Variants in NUP85 observed in about 807,000 individuals in gnomAD.
NUP85 encodes the protein nucleoporin 85, also known as nuclear pore complex protein Nup85.
In NUP85, 23 loss-of-function variants were observed where a neutral mutation model predicts 92.8. That is an observed-to-expected ratio of 0.25 (90% CI 0.18 to 0.35). The LOEUF is 0.35. Among genes scored for constraint, NUP85 ranks in the 10% least tolerant of loss-of-function variants. The pLI is 1.00. For missense variants in NUP85, 759 were observed against 822.8 expected (o/e 0.92, Z 0.95); for synonymous variants, 314 against 306.9 (o/e 1.02, Z -0.24).
intron 6 of NUP85, 129 bp downstream of exon 6, chr17:75,215,952 G>A (rs773067043): frequency 1.1e-4 from 89 of 837,010 alleles, no homozygotes; most frequent in Non-Finnish European, 1.4e-4. Flanking sequence ...TTATAACCAC[G>A]GGAAGTCGTT....
intron 7 of NUP85, among the ~76,000 whole-genome samples, chr17:75,221,652 C>T (rs893375196): frequency 6.6e-6 from 1 of 152,148 alleles, no homozygotes; most frequent in African/African-American, 2.4e-5. Flanking sequence ...AGTTAAAGGA[C>T]ATAAATGTGG....
chr17:75,225,108 C>T lies in NUP85; in HGVS notation c.603C>T (p.Thr201=). The change falls in exon 8 of 19, where the codon ACC becomes ACT. Residue 201 remains threonine, a synonymous_variant. Transcript: ENST00000245544. ...GGGCCCGGATCTCCTCCCAGGTGAC[C>T]ATCTTGGTGCTGCAGGGCCGGCTGG... The part of the protein sequence containing the change: ...SKHDSFWNLV[T]ILVLQGRLDE... The T allele has an allele frequency of 6.4e-7, 1 of 1,553,360 alleles. No individual in the cohort carries two copies. The highest frequency in any genetic ancestry group is 8.7e-7 in the Non-Finnish European group (1 of 1,147,344).
intron 11 of NUP85, among the ~76,000 whole-genome samples, chr17:75,230,474 C>G (rs1466280139): frequency 6.6e-6 from 1 of 151,880 alleles, no homozygotes; most frequent in Non-Finnish European, 1.5e-5. Flanking sequence ...ATTCTCCTGC[C>G]TCAGCCTCCA....
In NUP85 at chr17:75,230,936, A is replaced by AT. The variant is rs35461721; in HGVS notation, c.1095-391dup. Among the ~76,000 whole-genome samples, 44 of 143,638 alleles carry AT rather than the reference A, an allele frequency of 3.1e-4. 1 individual carries two copies. The highest frequency in any genetic ancestry group is 9.0e-4 in the Admixed American group (13 of 14,394). 94.2% of individuals were successfully genotyped at this position (143,638 alleles called of 152,430 possible). A position where few individuals can be genotyped will look rare whatever the true frequency, so the allele number is the denominator to read the frequency against. On this transcript the variant is annotated intron_variant, in intron 11 of 18. Coordinates refer to ENST00000245544, the MANE Select transcript of NUP85 (RefSeq NM_024844.5). ...CTCCACCTCAACTACTTTCTGAGCG[A>AT]TTTTTTTTTTTTTGAGATATGGTTG...
Position 75,213,205 on chromosome 17 carries a change from T to C in NUP85, c.405+86T>C, listed in dbSNP as rs1397633786. On this transcript the variant is annotated intron_variant, in intron 5 of 18. Transcript: ENST00000245544. ...TGGGGTGGCTTTGCAGTTCCTGTTATGGCAGAAGTCTCTTCTTTTCAGGTA... is the reference window on the plus strand; with the variant it reads ...TGGGGTGGCTTTGCAGTTCCTGTTACGGCAGAAGTCTCTTCTTTTCAGGTA... The C allele has an allele frequency of 5.2e-6, 6 of 1,161,386 alleles. No individual in the cohort carries two copies. The Admixed American group carries it at 6.0e-5, about 12-fold the overall frequency. 71.9% of individuals were successfully genotyped at this position (1,161,386 alleles called of 1,614,324 possible).
In NUP85 at chr17:75,225,681, C is replaced by A. The variant is rs771159250; in HGVS notation, c.856-17C>A. ...CCTGAGAGGAGGACAGAGTTCAGCACAAATGTCTCTCCTCAGATTATGCTG... is the reference window on the plus strand; with the variant it reads ...CCTGAGAGGAGGACAGAGTTCAGCAAAAATGTCTCTCCTCAGATTATGCTG... On this transcript the variant is annotated splice_polypyrimidine_tract_variant and intron_variant, in intron 9 of 18. Transcript: ENST00000245544. The A allele has an allele frequency of 5.6e-6, 9 of 1,613,746 alleles. No individual in the cohort carries two copies. The highest frequency in any genetic ancestry group is 1.3e-5 in the African/African-American group (1 of 74,914).
In NUP85 at chr17:75,218,232, T is replaced by C; in HGVS notation, c.523T>C (p.Cys175Arg). ...CCTTGACTGGGTCCGGCTCCATGTG[T>C]GCGAGGTGGACAGTTTGTCGGCAGA... ...HLLDWVRLHV[C>R]EVDSLSADVL... Residue 175 changes from cysteine (C) to arginine (R), a missense_variant, in exon 7 of 19, where the codon TGC becomes CGC. Coordinates refer to ENST00000245544, the MANE Select transcript of NUP85 (RefSeq NM_024844.5). 1 of 1,614,012 alleles carries C rather than the reference T, an allele frequency of 6.2e-7. No individual in the cohort carries two copies. Among genetic ancestry groups the C allele is most frequent in the Non-Finnish European group, 8.5e-7 (1 of 1,179,950 alleles).
chr17:75,220,945 G>A (rs1363567357), intron 7 of NUP85, among the ~76,000 whole-genome samples: 2 of 144,662 alleles, frequency 1.4e-5, no homozygotes, highest in East Asian at 4.1e-4. Flanking sequence ...GCAGTGGCAC[G>A]ATCTCGGCTC....
chr17:75,207,208 A>G (rs2075111634), intron 1 of NUP85, among the ~76,000 whole-genome samples: 1 of 146,556 alleles, frequency 6.8e-6, no homozygotes, highest in Non-Finnish European at 1.5e-5. Flanking sequence ...CTTGAGGCGG[A>G]GTTTCCCTCT....
chr17:75,225,227 C>T lies in NUP85; in HGVS notation c.722C>T (p.Pro241Leu), dbSNP rs1026148460. The T allele has an allele frequency of 6.2e-7, 1 of 1,605,782 alleles. No homozygotes were observed. The highest frequency in any genetic ancestry group is 1.3e-5 in the African/African-American group (1 of 74,916). The change falls in exon 8 of 19, where the codon CCC becomes CTC. Residue 241 changes from proline to leucine, a missense_variant. Physicochemically the swap from Pro to Leu is moderately conservative, Grantham distance 98. Transcript: ENST00000245544. ...RIMGDLMRTMPILSPGNTQTL... is the reference protein window; with the variant it reads ...RIMGDLMRTMLILSPGNTQTL... ...ATGGGGGACCTGATGAGGACAATGC[C>T]CATTCTTAGTGTACGTGGGGGTAGC...
chr17:75,217,123 C>T lies in NUP85; in HGVS notation c.476-1062C>T, dbSNP rs540296498. On this transcript the variant is annotated intron_variant, in intron 6 of 18. Transcript: ENST00000245544. ...TGTCACCCATGCTGGAGTACAGTGG[C>T]GTGATCACAGCTCAGAAGCCTCGAC... 3.5e-3 allele frequency among the ~76,000 whole-genome samples: 537 copies of T among 152,070 alleles called. 2 individuals carry two copies. Among genetic ancestry groups the T allele is most frequent in the African/African-American group, 0.012 (505 of 41,496 alleles).
At chr17:75,212,090 G>GTA (rs1555660431) in intron 4 of NUP85, 28 bp downstream of exon 4, 2 of 1,287,716 alleles carry the variant, frequency 1.6e-6, no homozygotes, top group Non-Finnish European at 2.1e-6. Context: ...GTGCGCGCGT[G>GTA]TGTGTGTGTG....
chr17:75,233,376 T>TC (rs1491099446), intron 16 of NUP85, among the ~76,000 whole-genome samples: 8,485 of 101,124 alleles, frequency 0.084, 703 homozygotes, highest in African/African-American at 0.19. Flanking sequence ...TTTTTCTTTC[T>TC]TTCTCTCTTT....
intron 9 of NUP85, 71 bp downstream of exon 9, chr17:75,225,535 G>A (rs2075758211): frequency 6.3e-7 from 1 of 1,584,796 alleles, no homozygotes; most frequent in South Asian, 1.1e-5. Flanking sequence ...TGCAGCAGTG[G>A]CAGGAGCTTG....
chr17:75,223,378 A>ATATTT (rs892172331), intron 7 of NUP85, among the ~76,000 whole-genome samples: 11 of 151,700 alleles, frequency 7.3e-5, no homozygotes, highest in Non-Finnish European at 1.6e-4. Flanking sequence ...CATTGAGTGT[A>ATATTT]TATTTTATGT....
intron 16 of NUP85, among the ~76,000 whole-genome samples, chr17:75,233,393 C>CTTTCTCTTTTTCTCTTTCTCTT (rs1192193138): frequency 2.9e-5 from 4 of 137,394 alleles, no homozygotes; most frequent in African/African-American, 1.1e-4. Flanking sequence ...CTTTCTTTCT[C>CTTTCTCTTTTTCTCTTTCTCTT]TTTCTCTTTC....
At chr17:75,234,575 A>C (rs2076249609) in intron 16 of NUP85, 62 bp from the exon 17 acceptor site, 2 of 1,571,694 alleles carry the variant, frequency 1.3e-6, no homozygotes, top group Non-Finnish European at 1.7e-6. Flanking sequence ...TGACTTTTGT[A>C]GGTGTCACTT....
At chr17:75,207,124 C>CT (rs2075108823) in intron 1 of NUP85, among the ~76,000 whole-genome samples, 2 of 151,898 alleles carry the variant, frequency 1.3e-5, no homozygotes, top group Non-Finnish European at 2.9e-5. Context: ...TTTAGAGGCT[C>CT]ACAAGGAATT....
At chr17:75,210,075 GT>G in intron 3 of NUP85, 90 bp downstream of exon 3, 3 of 1,320,790 alleles carry the variant, frequency 2.3e-6, no homozygotes, top group Non-Finnish European at 3.1e-6. Flanking sequence ...TGTTTTATGG[GT>G]TGCGTAAAGA....
Sources: gnomAD v4.1 joint callset for allele counts (sites outside exome capture counted in the v4.1 genomes callset) on GRCh38, gnomAD v4.1.1 for gene constraint, MANE v1.5 for transcripts, NCBI Gene and HGNC (gene_info 2026-07-23, HGNC 2026-07-21) for gene names.